The following PCDHA5 variants were observed in gnomAD, a reference collection of about 807,000 sequenced individuals.
PCDHA5 encodes protocadherin alpha-5.
PCDHA5 carries 43 observed loss-of-function variants against 61.6 expected under a neutral mutation model. The ratio of observed to expected loss-of-function variants is 0.70; its 90% CI spans 0.55 to 0.90. The LOEUF is 0.90. Ranked by LOEUF, PCDHA5 falls within the 40% of genes least tolerant of loss-of-function variation. PCDHA5 has a pLI of 0.00. For synonymous variants in PCDHA5, 627 were observed against 543.9 expected (o/e 1.15, Z -2.13); for missense variants, 1,298 against 1,222.7 (o/e 1.06, Z -0.92).
At chr5:140,920,611 C>T (rs919244668) in intron 1 of PCDHA5, among the ~76,000 whole-genome samples, 4 of 152,068 alleles carry the variant, frequency 2.6e-5, no homozygotes, top group Non-Finnish European at 5.9e-5. Flanking sequence ...TTTGGGAGGC[C>T]GAGGCGGATG....
chr5:140,949,636 T>A (rs1047386786), intron 1 of PCDHA5, among the ~76,000 whole-genome samples: 1 of 151,898 alleles, frequency 6.6e-6, no homozygotes, highest in Admixed American at 6.6e-5. Context: ...GGCATATTGC[T>A]TTTTGTTCAT....
At chr5:140,968,697 C>G in intron 1 of PCDHA5, 2 of 1,614,144 alleles carry the variant, frequency 1.2e-6, no homozygotes, top group South Asian at 2.2e-5. Flanking sequence ...GAAATTAGGA[C>G]TACCAGGAAG....
chr5:140,930,404 T>C (rs2086793049), intron 1 of PCDHA5: 1 of 152,170 alleles, frequency 6.6e-6, no homozygotes, highest in African/African-American at 2.4e-5. Flanking sequence ...TTTTTTTTTT[T>C]TGAGACAGGG....
chr5:140,955,889 GT>G (rs1305358742), intron 1 of PCDHA5, among the ~76,000 whole-genome samples: 2 of 151,880 alleles, frequency 1.3e-5, no homozygotes, highest in Non-Finnish European at 2.9e-5. Flanking sequence ...ATTCCTAGGT[GT>G]TTTATTCTCT....
chr5:140,967,342 C>T (rs149890293), intron 1 of PCDHA5: 40 of 1,607,992 alleles, frequency 2.5e-5, no homozygotes, highest in Non-Finnish European at 3.4e-5. Context: ...CCAGCGAGCA[C>T]TTCGAGCTGG....
In PCDHA5 at chr5:140,883,981, C is replaced by T. The variant is rs781859248; in HGVS notation, c.2352+59854C>T. 9.3e-6 allele frequency: 15 copies of T among 1,612,896 alleles called. No homozygotes were observed. In the South Asian group the frequency reaches 1.5e-4, roughly 17 times the overall value. ...CGGCGCTGCTGACGCCCGGGGCTGG[C>T]AGCGCGGGAGGCACAGTGAGCGAGC... On this transcript the variant is annotated intron_variant, in intron 1 of 3. Coordinates refer to ENST00000529859, the MANE Select transcript of PCDHA5 (RefSeq NM_018908.3).
intron 1 of PCDHA5, chr5:140,871,583 T>C (rs782012993): frequency 2.0e-6 from 3 of 1,468,262 alleles, no homozygotes; most frequent in Non-Finnish European, 9.0e-7. Flanking sequence ...TAAGGGAAAG[T>C]TTTATGAATA....
At chr5:140,968,211 A>G (rs1039283745) in intron 1 of PCDHA5, 1 of 1,614,002 alleles carries the variant, frequency 6.2e-7, no homozygotes. Context: ...CAGGAGAACA[A>G]TTTGCCAGGT....
chr5:140,837,869 G>T (rs1367921938), intron 1 of PCDHA5, among the ~76,000 whole-genome samples: 1 of 151,606 alleles, frequency 6.6e-6, no homozygotes, highest in African/African-American at 2.4e-5. Flanking sequence ...TGTAGAGACA[G>T]GGTGGAGTCT....
chr5:140,842,833 G>A (rs2150345811), intron 1 of PCDHA5: 9 of 1,593,762 alleles, frequency 5.6e-6, no homozygotes. Flanking sequence ...AGCGCTCGCT[G>A]TCGAGCTACA....
At chr5:140,875,247 A>T in intron 1 of PCDHA5, 1 of 962,254 alleles carries the variant, frequency 1.0e-6, no homozygotes, top group Non-Finnish European at 1.5e-6. Flanking sequence ...TTACATAATC[A>T]GTCACATGAT....
intron 1 of PCDHA5, among the ~76,000 whole-genome samples, chr5:140,971,680 A>C (rs185214999): frequency 1.1e-4 from 17 of 152,268 alleles, no homozygotes; most frequent in African/African-American, 4.1e-4. Context: ...AGAGTAAGGG[A>C]ATTTGTACTC....
intron 1 of PCDHA5, among the ~76,000 whole-genome samples, chr5:140,827,392 T>G (rs1346969043): frequency 6.6e-6 from 1 of 152,178 alleles, no homozygotes; most frequent in Non-Finnish European, 1.5e-5. Context: ...TGCAGATAAA[T>G]TAAATGTGAT....
In PCDHA5 at chr5:140,901,962, G is replaced by A. The variant is rs148280805; in HGVS notation, c.2353-76987G>A. The stretch of plus-strand genomic sequence containing the variant: ...ATATTTAGTTTTATTCGTGGCTATC[G>A]TAAATGGGATTACTTTTTAATTTCA... On this transcript the variant is annotated intron_variant, in intron 1 of 3. Coordinates refer to ENST00000529859, the MANE Select transcript of PCDHA5 (RefSeq NM_018908.3). Among the ~76,000 whole-genome samples, 1,226 of 152,004 alleles carry A rather than the reference G, an allele frequency of 8.1e-3. 6 individuals carry two copies. The highest frequency in any genetic ancestry group is 0.019 in the African/African-American group (785 of 41,468).
intron 3 of PCDHA5, among the ~76,000 whole-genome samples, chr5:141,007,362 G>A (rs1554261189): frequency 6.8e-6 from 1 of 146,590 alleles, no homozygotes; most frequent in Non-Finnish European, 1.5e-5. Context: ...ACCAGCCTGG[G>A]CAACATGATG....
intron 1 of PCDHA5, chr5:140,837,311 A>G (rs1328894218): frequency 1.3e-5 from 2 of 152,060 alleles, no homozygotes; most frequent in Non-Finnish European, 2.9e-5. Context: ...TGTATTTGCC[A>G]TGTTCATGAA....
At chr5:140,985,607 C>T (rs1554247195) in intron 3 of PCDHA5, among the ~76,000 whole-genome samples, 1 of 152,156 alleles carries the variant, frequency 6.6e-6, no homozygotes, top group Non-Finnish European at 1.5e-5. Flanking sequence ...GAGCCCTTTC[C>T]GTGAACCAGC....
At chr5:140,887,679 C>G (rs2061539498) in intron 1 of PCDHA5, among the ~76,000 whole-genome samples, 1 of 152,058 alleles carries the variant, frequency 6.6e-6, no homozygotes, top group East Asian at 1.9e-4. Flanking sequence ...TCATTTTCAT[C>G]AAATTCAGGA....
intron 1 of PCDHA5, chr5:140,853,156 G>A (rs2150528996): frequency 1.1e-6 from 1 of 904,258 alleles, no homozygotes; most frequent in South Asian, 5.0e-5. Context: ...TGGGATTACA[G>A]GCGTGAGCCA....
Sources: gnomAD v4.1 joint callset for allele counts (sites outside exome capture counted in the v4.1 genomes callset) on GRCh38, gnomAD v4.1.1 for gene constraint, MANE v1.5 for transcripts, NCBI Gene and HGNC (gene_info 2026-07-23, HGNC 2026-07-21) for gene names.